VCF2: variants seen among roughly 807,000 people sequenced by gnomAD.
The protein encoded by VCF2 is VCP nuclear cofactor family member 2.
the VCF2 span, among the ~76,000 whole-genome samples, chrX:55,147,358 T>C: frequency 3.6e-5 from 4 of 111,411 alleles, no homozygotes; most frequent in Non-Finnish European, 5.7e-5. Flanking sequence ...ACTAGAAACA[T>C]GTTAAAAGAA....
the VCF2 span, among the ~76,000 whole-genome samples, chrX:55,147,136 A>G: frequency 6.1e-3 from 681 of 112,151 alleles, 8 homozygotes; most frequent in African/African-American, 0.021. Flanking sequence ...TCCCAAAAGA[A>G]GAAGGTAATG....
chrX:55,161,100 G>C, the VCF2 span: 1 of 1,207,271 alleles, frequency 8.3e-7, no homozygotes. Flanking sequence ...ACCAGAGCTC[G>C]GACTGGTACC....
the VCF2 span, among the ~76,000 whole-genome samples, chrX:55,155,892 T>A: frequency 1.8e-5 from 2 of 109,979 alleles, no homozygotes; most frequent in South Asian, 3.9e-4. Context: ...TATATAACAC[T>A]TTTTAATGAT....
the VCF2 span, among the ~76,000 whole-genome samples, chrX:55,159,885 C>G: frequency 1.8e-5 from 2 of 112,206 alleles, no homozygotes; most frequent in African/African-American, 3.2e-5. Flanking sequence ...CAGATTGCAG[C>G]GTTTGACATA....
At chrX:55,147,392 G>C in the VCF2 span, among the ~76,000 whole-genome samples, 11 of 110,836 alleles carry the variant, frequency 9.9e-5, no homozygotes, top group Non-Finnish European at 1.5e-4. Context: ...AGAGATAGAA[G>C]GGGTCAAATG....
chrX:55,155,812 G>A, the VCF2 span, among the ~76,000 whole-genome samples: 2 of 110,267 alleles, frequency 1.8e-5, no homozygotes, highest in Non-Finnish European at 3.8e-5. Context: ...GAGATGAGGA[G>A]GAATATTAGT....
chrX:55,156,989 T>C, the VCF2 span, among the ~76,000 whole-genome samples: 1 of 112,393 alleles, frequency 8.9e-6, no homozygotes, highest in South Asian at 3.7e-4. Flanking sequence ...ATGTACAAAA[T>C]AGATTAGGCC....
chrX:55,147,089 T>C, the VCF2 span, among the ~76,000 whole-genome samples: 10 of 112,109 alleles, frequency 8.9e-5, no homozygotes, highest in Admixed American at 4.7e-4. Context: ...CTGTAAACAG[T>C]TGTTTCCAAG....
chrX:55,148,731 G>A, the VCF2 span, among the ~76,000 whole-genome samples: 18 of 109,586 alleles, frequency 1.6e-4, no homozygotes, highest in Admixed American at 1.6e-3. Flanking sequence ...ATACACTAAA[G>A]AATCAGTTAG....
At chrX:55,146,242 CT>C in the VCF2 span, 1 of 1,211,605 alleles carries the variant, frequency 8.3e-7, no homozygotes, top group South Asian at 1.8e-5. Flanking sequence ...TTTAAGTTGC[CT>C]TCTGGTCCAC....
At chrX:55,145,045 G>C in the VCF2 span, among the ~76,000 whole-genome samples, 1 of 112,402 alleles carries the variant, frequency 8.9e-6, no homozygotes, top group Non-Finnish European at 1.9e-5. Flanking sequence ...TAAATAAATA[G>C]TACTGCCTGT....
chrX:55,146,548 C>A, the VCF2 span, among the ~76,000 whole-genome samples: 3 of 112,085 alleles, frequency 2.7e-5, no homozygotes, highest in Non-Finnish European at 5.6e-5. Flanking sequence ...CATATATCTA[C>A]GAAGTGGCAG....
the VCF2 span, chrX:55,159,306 A>G: frequency 1.2e-6 from 1 of 804,250 alleles, no homozygotes; most frequent in Non-Finnish European, 1.8e-6. Flanking sequence ...AAGCCGTGAC[A>G]ACATACATAT....
the VCF2 span, among the ~76,000 whole-genome samples, chrX:55,153,612 C>T: frequency 1.3e-4 from 14 of 110,383 alleles, no homozygotes; most frequent in Admixed American, 5.8e-4. Context: ...CTGTCCGCCT[C>T]GGCCTCCCAA....
At chrX:55,158,303 C>T in the VCF2 span, among the ~76,000 whole-genome samples, 1 of 111,760 alleles carries the variant, frequency 8.9e-6, no homozygotes, top group South Asian at 3.7e-4. Flanking sequence ...TCAATTAAAG[C>T]TATATTATGC....
chrX:55,151,489 G>GTGTAATC, the VCF2 span, among the ~76,000 whole-genome samples: 1 of 112,677 alleles, frequency 8.9e-6, no homozygotes, highest in African/African-American at 3.2e-5. Flanking sequence ...AGGCGTTGAA[G>GTGTAATC]TGTAATCTGA....
the VCF2 span, among the ~76,000 whole-genome samples, chrX:55,148,466 T>C: frequency 9.1e-5 from 10 of 110,316 alleles, no homozygotes; most frequent in African/African-American, 1.6e-4. Flanking sequence ...TTACATACTA[T>C]ATATTTACCT....
chrX:55,148,904 C>T, the VCF2 span, among the ~76,000 whole-genome samples: 1 of 111,901 alleles, frequency 8.9e-6, no homozygotes, highest in South Asian at 3.7e-4. Context: ...TCATTTTCAG[C>T]TTCTGTAATT....
chrX:55,145,547 A>G, the VCF2 span: 1 of 755,362 alleles, frequency 1.3e-6, no homozygotes, highest in Non-Finnish European at 1.6e-6. Flanking sequence ...TCAACAGAAC[A>G]TCTACCTTCT....
Sources: allele counts gnomAD v4.1 joint callset (sites outside exome capture counted in the v4.1 genomes callset), GRCh38; gene constraint gnomAD v4.1.1; transcripts MANE v1.5; gene names NCBI Gene and HGNC (gene_info 2026-07-23, HGNC 2026-07-21).